ACER2: variants seen among roughly 807,000 people sequenced by gnomAD.
ACER2 encodes the protein alkaline ceramidase 2.
In ACER2, 26 loss-of-function variants were observed where a neutral mutation model predicts 34.7. That is an observed-to-expected ratio of 0.75 (90% CI 0.55 to 1.04). The LOEUF is 1.04. Among genes scored for constraint, ACER2 ranks in the 50% least tolerant of loss-of-function variants. ACER2 has a pLI of 0.00. For missense variants in ACER2, 352 were observed against 340.8 expected (o/e 1.03, Z -0.26); for synonymous variants, 138 against 132.1 (o/e 1.04, Z -0.31).
intron 4 of ACER2, 55 bp downstream of exon 4, chr9:19,435,139 A>G: frequency 6.3e-7 from 1 of 1,591,314 alleles, no homozygotes; most frequent in South Asian, 1.1e-5. Flanking sequence ...GGAACACACC[A>G]GTTCGGGGCT....
At chr9:19,445,125 G>A (rs911884915) in intron 4 of ACER2, among the ~76,000 whole-genome samples, 2 of 152,198 alleles carry the variant, frequency 1.3e-5, no homozygotes, top group Admixed American at 6.5e-5. Flanking sequence ...GGTCCCCTCC[G>A]GGAAGAAGGA....
intron 3 of ACER2, among the ~76,000 whole-genome samples, chr9:19,434,028 C>G (rs1292673154): frequency 6.8e-6 from 1 of 147,532 alleles, no homozygotes; most frequent in Non-Finnish European, 1.5e-5. Context: ...GGGCGGCTGC[C>G]GGGCGGAGGG....
intron 2 of ACER2, 129 bp downstream of exon 2, chr9:19,424,105 A>C: frequency 1.1e-6 from 1 of 918,824 alleles, no homozygotes; most frequent in South Asian, 1.5e-5. Flanking sequence ...GGTCTTAGCA[A>C]ACTTTTTTTT....
intron 3 of ACER2, among the ~76,000 whole-genome samples, chr9:19,432,147 G>T (rs756168487): frequency 2.6e-5 from 4 of 152,190 alleles, no homozygotes; most frequent in Non-Finnish European, 2.9e-5. Context: ...GGGGTGTGAA[G>T]ATAGTATCAA....
intron 3 of ACER2, among the ~76,000 whole-genome samples, chr9:19,426,362 CT>C (rs2132482278): frequency 1.3e-5 from 1 of 79,954 alleles, no homozygotes; most frequent in South Asian, 4.8e-4. Flanking sequence ...CTCTCTTTCT[CT>C]CTCTCTCTCT....
At chr9:19,433,933 G>A (rs1396425310) in intron 3 of ACER2, among the ~76,000 whole-genome samples, 17 of 151,854 alleles carry the variant, frequency 1.1e-4, no homozygotes, top group Non-Finnish European at 2.2e-4. Context: ...AGGACGGGGC[G>A]GCTGGCCGGG....
chr9:19,412,411 G>A (rs973038170), intron 1 of ACER2, among the ~76,000 whole-genome samples: 5 of 152,130 alleles, frequency 3.3e-5, no homozygotes, highest in African/African-American at 1.2e-4. Flanking sequence ...TCAGCACTTT[G>A]GGAGGCTGAG....
chr9:19,412,582 G>T (rs1034642881), intron 1 of ACER2, among the ~76,000 whole-genome samples: 1 of 151,250 alleles, frequency 6.6e-6, no homozygotes, highest in Non-Finnish European at 1.5e-5. Flanking sequence ...TTGAACCTGG[G>T]AGGTGAAGGT....
intron 4 of ACER2, among the ~76,000 whole-genome samples, chr9:19,438,729 A>G (rs1017582591): frequency 2.0e-5 from 3 of 152,192 alleles, no homozygotes; most frequent in Non-Finnish European, 4.4e-5. Context: ...GTGTAATAAT[A>G]TGTTTTAGCT....
rs924543675 is a variant in ACER2, at chr9:19,451,347, C to A, written c.*711C>A. 4 of 152,610 alleles carry A rather than the reference C, an allele frequency of 2.6e-5. No individual in the cohort carries two copies. The highest frequency in any genetic ancestry group is 9.7e-5 in the African/African-American group (4 of 41,442). 9.5% of individuals were successfully genotyped at this position (152,610 alleles called of 1,614,324 possible). On this transcript the variant is annotated 3_prime_UTR_variant, in exon 6 of 6. Coordinates refer to ENST00000340967, the MANE Select transcript of ACER2 (RefSeq NM_001010887.3). ...TGGGGTAATTGTCCTTAAACAAAACCAAACAGATGAAACACACACAGGACT... is the reference window on the plus strand; with the variant it reads ...TGGGGTAATTGTCCTTAAACAAAACAAAACAGATGAAACACACACAGGACT...
intron 4 of ACER2, among the ~76,000 whole-genome samples, chr9:19,442,103 G>A (rs1467352686): frequency 6.6e-6 from 1 of 152,158 alleles, no homozygotes; most frequent in Non-Finnish European, 1.5e-5. Context: ...AAAAGTTTAT[G>A]CTGATTTTGG....
intron 2 of ACER2, 23 bp downstream of exon 2, chr9:19,423,999 A>G: frequency 6.4e-7 from 1 of 1,554,782 alleles, no homozygotes; most frequent in South Asian, 1.1e-5. Flanking sequence ...ATTTGGGAAC[A>G]CGGACTTAAT....
chr9:19,435,331 C>A (rs1360235357), intron 4 of ACER2, among the ~76,000 whole-genome samples: 3 of 152,134 alleles, frequency 2.0e-5, no homozygotes, highest in African/African-American at 7.2e-5. Context: ...CTTACCAGGA[C>A]CATCTCAGTA....
chr9:19,446,222 G>T lies in ACER2; in HGVS notation c.504-59G>T, dbSNP rs190635299. ...CAGCGAAGGAGACACAGGAAAGGTG[G>T]CCAGCAAGGAGGTGGAGACAAGGTC... On this transcript the variant is annotated intron_variant, in intron 4 of 5. Coordinates refer to ENST00000340967, the MANE Select transcript of ACER2 (RefSeq NM_001010887.3). 7.3e-5 allele frequency: 117 copies of T among 1,613,560 alleles called. No homozygotes were observed. In the African/African-American group the frequency reaches 1.4e-3, roughly 19 times the overall value.
At chr9:19,424,405 C>T (rs1425133916) in intron 2 of ACER2, 1 of 985,262 alleles carries the variant, frequency 1.0e-6, no homozygotes, top group African/African-American at 1.7e-5. Context: ...GGAATGTTGA[C>T]TTTTATTTAC....
intron 4 of ACER2, among the ~76,000 whole-genome samples, chr9:19,444,163 A>C (rs1284601056): frequency 1.3e-5 from 2 of 150,780 alleles, no homozygotes; most frequent in Non-Finnish European, 3.0e-5. Context: ...CTAAAAAAAA[A>C]AAAAAGAAAA....
chr9:19,448,204 A>AT (rs1831435541), intron 5 of ACER2, among the ~76,000 whole-genome samples: 1 of 151,810 alleles, frequency 6.6e-6, no homozygotes, highest in Non-Finnish European at 1.5e-5. Flanking sequence ...GTAGAGATGG[A>AT]TTTTTGCCAT....
chr9:19,439,811 C>CA (rs1471731917), intron 4 of ACER2, among the ~76,000 whole-genome samples: 4 of 152,078 alleles, frequency 2.6e-5, no homozygotes, highest in Admixed American at 6.5e-5. Context: ...ACTAAAAACA[C>CA]AAAAAATTAG....
At chr9:19,443,246 A>T (rs796742442) in intron 4 of ACER2, among the ~76,000 whole-genome samples, 18 of 152,188 alleles carry the variant, frequency 1.2e-4, no homozygotes, top group African/African-American at 4.3e-4. Flanking sequence ...GTTAGCCAGG[A>T]TGGTCTTGAT....
Sources: gnomAD v4.1 joint callset for allele counts (sites outside exome capture counted in the v4.1 genomes callset) on GRCh38, gnomAD v4.1.1 for gene constraint, MANE v1.5 for transcripts, NCBI Gene and HGNC (gene_info 2026-07-23, HGNC 2026-07-21) for gene names.